The following PSMD4 variants were observed in gnomAD, a reference collection of about 807,000 sequenced individuals.
The protein encoded by PSMD4 is 26S proteasome non-ATPase regulatory subunit 4.
In PSMD4, 5 loss-of-function variants were observed where a neutral mutation model predicts 39.7. The ratio of observed to expected loss-of-function variants is 0.13; its 90% CI spans 0.07 to 0.26. The LOEUF (loss-of-function observed/expected upper bound fraction) is 0.26. PSMD4 is among the 10% of genes least tolerant of loss of function. PSMD4 has a pLI of 1.00. For missense variants in PSMD4, 272 were observed against 486.1 expected (o/e 0.56, Z 4.14); for synonymous variants, 143 against 174.6 (o/e 0.82, Z 1.43).
chr1:151,266,440 G>A lies in PSMD4; in HGVS notation c.895+1G>A. 6.2e-7 allele frequency: 1 copy of A among 1,614,236 alleles called. No individual in the cohort carries two copies. The highest frequency in any genetic ancestry group is 8.5e-7 in the Non-Finnish European group (1 of 1,180,042). ...ATGCAGATGTCCCTGCAGGGAGCAGGTGAGCCAGAGCCTGGGTGGTGCCTA... is the reference window on the plus strand; with the variant it reads ...ATGCAGATGTCCCTGCAGGGAGCAGATGAGCCAGAGCCTGGGTGGTGCCTA... On this transcript the variant is annotated splice_donor_variant, in intron 8 of 9. Transcript: ENST00000368884. LOFTEE classifies it high-confidence loss of function.
chr1:151,266,899 G>T (rs1277419635), intron 9 of PSMD4: 3 of 706,852 alleles, frequency 4.2e-6, no homozygotes, highest in Non-Finnish European at 7.9e-6. Context: ...TGTCTTGAGA[G>T]CAGGAAACCT....
At chr1:151,255,323 G>A (rs747320830) in intron 1 of PSMD4, among the ~76,000 whole-genome samples, 1 of 152,006 alleles carries the variant, frequency 6.6e-6, no homozygotes, top group Admixed American at 6.6e-5. Flanking sequence ...ACACCTTAAG[G>A]TAAATTATCT....
intron 9 of PSMD4, chr1:151,266,798 C>A: frequency 1.3e-6 from 1 of 783,394 alleles, no homozygotes; most frequent in South Asian, 1.6e-5. Context: ...ATTTTCCTTT[C>A]TTGCTGGTGG....
Position 151,254,757 on chromosome 1 carries a change from C to G in PSMD4, c.-26C>G, listed in dbSNP as rs758184840. The stretch of plus-strand genomic sequence containing the variant: ...TTGTTGTTAGGCCGTCCCGGAGACC[C>G]GGTCGGGAGGGAGGAAGGTGGCAAG... On this transcript the variant is annotated 5_prime_UTR_variant, in exon 1 of 10. Transcript: ENST00000368884. 1 of 1,555,118 alleles carries G rather than the reference C, an allele frequency of 6.4e-7. No individual in the cohort carries two copies. Among genetic ancestry groups the G allele is most frequent in the Admixed American group, 2.0e-5 (1 of 50,808 alleles).
chr1:151,264,426 C>T (rs763325265), intron 3 of PSMD4, among the ~76,000 whole-genome samples: 2 of 151,588 alleles, frequency 1.3e-5, no homozygotes, highest in East Asian at 1.9e-4. Flanking sequence ...GATCACCTGA[C>T]GTCACGAGTT....
chr1:151,263,289 C>T (rs1230153144), intron 2 of PSMD4, among the ~76,000 whole-genome samples: 1 of 151,960 alleles, frequency 6.6e-6, no homozygotes, highest in African/African-American at 2.4e-5. Context: ...CATGGCAAAA[C>T]CCCGTCTCTA....
At chr1:151,254,893 C>T (rs1204736983) in intron 1 of PSMD4, 85 bp downstream of exon 1, 10 of 1,293,460 alleles carry the variant, frequency 7.7e-6, no homozygotes, top group Non-Finnish European at 9.2e-6. Context: ...GGGGTGGGGG[C>T]CAGGGGCTCA....
At chr1:151,263,571 G>T (rs1037205597) in intron 2 of PSMD4, among the ~76,000 whole-genome samples, 1 of 152,198 alleles carries the variant, frequency 6.6e-6, no homozygotes, top group Non-Finnish European at 1.5e-5. Flanking sequence ...GCTCACGCCT[G>T]TAATCCCAGC....
chr1:151,256,525 G>A (rs1348685795), intron 1 of PSMD4, among the ~76,000 whole-genome samples: 2 of 143,042 alleles, frequency 1.4e-5, no homozygotes, highest in Admixed American at 7.2e-5. Context: ...TGCAACCTCC[G>A]CCTCCCTGGT....
At chr1:151,264,541 G>A (rs1693383906) in intron 3 of PSMD4, among the ~76,000 whole-genome samples, 1 of 151,824 alleles carries the variant, frequency 6.6e-6, no homozygotes, top group South Asian at 2.1e-4. Context: ...AACCCGGGAG[G>A]TGGAGGTTGC....
chr1:151,266,888 G>A (rs752379021), intron 9 of PSMD4: 2 of 708,002 alleles, frequency 2.8e-6, no homozygotes, highest in Non-Finnish European at 5.2e-6. Context: ...GGAGAACTGG[G>A]TGTCTTGAGA....
intron 1 of PSMD4, 34 bp downstream of exon 1, chr1:151,254,842 C>G (rs1237928658): frequency 1.4e-6 from 2 of 1,412,074 alleles, no homozygotes; most frequent in Non-Finnish European, 9.3e-7. Flanking sequence ...AGGGGCAGAG[C>G]TGGGTTCCGG....
At chr1:151,265,689 C>T in intron 6 of PSMD4, 80 bp downstream of exon 6, 1 of 1,452,590 alleles carries the variant, frequency 6.9e-7, no homozygotes, top group Non-Finnish European at 9.6e-7. Flanking sequence ...GAGCTTCTAT[C>T]AGGCTGGATA....
intron 1 of PSMD4, 151 bp downstream of exon 1, chr1:151,254,959 C>A: frequency 1.0e-6 from 1 of 999,336 alleles, no homozygotes; most frequent in South Asian, 2.0e-5. Flanking sequence ...CTCCCTGAGT[C>A]ATCCCGGGGC....
chr1:151,266,147 G>A (rs749684081), intron 7 of PSMD4, 35 bp downstream of exon 7: 29 of 1,592,990 alleles, frequency 1.8e-5, no homozygotes, highest in African/African-American at 1.1e-4. Flanking sequence ...CTGGGACTGC[G>A]GGATGCTAAA....
chr1:151,260,839 A>G (rs1258154992), intron 1 of PSMD4, among the ~76,000 whole-genome samples: 2 of 147,672 alleles, frequency 1.4e-5, no homozygotes, highest in South Asian at 2.1e-4. Flanking sequence ...GCCTGGCCCT[A>G]TTTTATAGAT....
At chr1:151,258,546 G>A (rs749370085) in intron 1 of PSMD4, among the ~76,000 whole-genome samples, 3 of 138,484 alleles carry the variant, frequency 2.2e-5, no homozygotes, top group African/African-American at 5.5e-5. Flanking sequence ...CTGCAGCCTC[G>A]ACCTCCGGGG....
At position 151,267,276 on chromosome 1, in the gene PSMD4, T is replaced by C. The variant is rs781148965; in HGVS notation, c.1067T>C (p.Met356Thr). 1 of 1,613,868 alleles carries C rather than the reference T, an allele frequency of 6.2e-7. No individual in the cohort carries two copies. Among genetic ancestry groups the C allele is most frequent in the Admixed American group, 1.7e-5 (1 of 59,992 alleles). The change falls in exon 10 of 10, where the codon ATG becomes ACG. Residue 356 changes from methionine to threonine, a missense_variant. Met to Thr is a moderately conservative substitution (Grantham distance 81). Transcript: ENST00000368884. ...DPNNEAIRNA[M>T]GSLASQATKD... Reference sequence around the variant, plus strand: ...AACAATGAAGCCATTCGAAATGCTATGGGCTCCCTGGCCTCCCAGGCCACC... The same window carrying C: ...AACAATGAAGCCATTCGAAATGCTACGGGCTCCCTGGCCTCCCAGGCCACC...
At position 151,261,163 on chromosome 1, in the gene PSMD4, AT is replaced by A. The variant is rs933650681; in HGVS notation, c.27-988del. On this transcript the variant is annotated intron_variant, in intron 1 of 9. Coordinates refer to ENST00000368884, the MANE Select transcript of PSMD4 (RefSeq NM_002810.4). ...TCACTGTGCCCAGCCTATTTTATAG[AT>A]TTTTTTTTTCTTTTTCTTTTTTTTT... Among the ~76,000 whole-genome samples, 1,151 of 125,428 alleles carry A rather than the reference AT, an allele frequency of 9.2e-3. 10 individuals are homozygous for A. The highest frequency in any genetic ancestry group is 0.018 in the African/African-American group (592 of 33,318). The allele number at this position is 125,428 out of a possible 152,430, so 82.3% of individuals were successfully genotyped here. A position where few individuals can be genotyped will look rare whatever the true frequency, so the allele number is the denominator to read the frequency against.
Sources: gnomAD v4.1 joint callset for allele counts (sites outside exome capture counted in the v4.1 genomes callset) on GRCh38, gnomAD v4.1.1 for gene constraint, MANE v1.5 for transcripts, NCBI Gene and HGNC (gene_info 2026-07-23, HGNC 2026-07-21) for gene names.